NEBL: variants seen among roughly 807,000 people sequenced by gnomAD.
NEBL encodes the protein nebulette.
A neutral mutation model predicts 140.2 loss-of-function variants in NEBL; 122 were observed. The ratio of observed to expected loss-of-function variants is 0.87; its 90% CI spans 0.75 to 1.01. The LOEUF (loss-of-function observed/expected upper bound fraction) is 1.01, where lower values mean the gene tolerates loss of function less well. Among genes scored for constraint, NEBL ranks in the 50% least tolerant of loss-of-function variants. NEBL has a pLI of 0.00. For synonymous variants in NEBL, 436 were observed against 398.9 expected (o/e 1.09, Z -1.11); for missense variants, 1,365 against 1,231.3 (o/e 1.11, Z -1.62).
At chr10:21,048,829 C>G (rs1052278989) in intron 2 of NEBL, among the ~76,000 whole-genome samples, 4 of 152,064 alleles carry the variant, frequency 2.6e-5, no homozygotes, top group African/African-American at 9.7e-5. Context: ...AACCCTGTCT[C>G]TACTAAAAAT....
intron 2 of NEBL, among the ~76,000 whole-genome samples, chr10:21,021,955 C>T (rs1838815259): frequency 6.6e-6 from 1 of 152,160 alleles, no homozygotes; most frequent in Non-Finnish European, 1.5e-5. Flanking sequence ...CAAACTTCAG[C>T]GTGTCCTATA....
intron 2 of NEBL, among the ~76,000 whole-genome samples, chr10:21,028,274 A>G (rs188358702): frequency 6.6e-6 from 1 of 150,868 alleles, no homozygotes; most frequent in African/African-American, 2.4e-5. Flanking sequence ...AAGAAGAAGA[A>G]GAATGAGAAA....
At chr10:21,243,753 C>T (rs1379293048) in intron 3 of NEBL, among the ~76,000 whole-genome samples, 2 of 152,290 alleles carry the variant, frequency 1.3e-5, no homozygotes, top group Non-Finnish European at 1.5e-5. Context: ...GCTTCCTTTC[C>T]GCATTCTCCC....
chr10:20,887,250 G>A (rs1846607687), intron 4 of NEBL, among the ~76,000 whole-genome samples: 2 of 152,070 alleles, frequency 1.3e-5, no homozygotes, highest in African/African-American at 4.8e-5. Flanking sequence ...CAATTCTTAA[G>A]TTCCTCTGCA....
rs891423166 is a variant in NEBL at position 21,173,365 on chromosome 10, G to A, written c.69+400C>T. Among the ~76,000 whole-genome samples the A allele has an allele frequency of 6.9e-6, 1 of 145,454 alleles. No individual in the cohort carries two copies. Among genetic ancestry groups the A allele is most frequent in the African/African-American group, 2.5e-5 (1 of 40,334 alleles). ...AGGCGCTGCGGGTGGGCGGTGAGGT[G>A]GGATCGCGGGCGGATCTGTGGGGCG... On this transcript the variant is annotated intron_variant, in intron 1 of 6. Coordinates refer to the NEBL transcript ENST00000417816. The surrounding 1 kb of genome is among the most constrained non-coding windows in gnomAD (Gnocchi z 5.7).
chr10:21,107,580 T>C (rs1423162978), intron 2 of NEBL, among the ~76,000 whole-genome samples: 14 of 152,230 alleles, frequency 9.2e-5, no homozygotes, highest in Admixed American at 8.5e-4. Flanking sequence ...CAGTATTTTA[T>C]TGAGGATTTT....
intron 3 of NEBL, among the ~76,000 whole-genome samples, chr10:21,210,487 A>C (rs1841898041): frequency 6.6e-6 from 1 of 152,272 alleles, no homozygotes; most frequent in African/African-American, 2.4e-5. Context: ...TTATCTCATT[A>C]TACAAATATG....
chr10:20,974,899 T>G (rs1479597464), intron 3 of NEBL, among the ~76,000 whole-genome samples: 1 of 152,224 alleles, frequency 6.6e-6, no homozygotes, highest in Non-Finnish European at 1.5e-5. Flanking sequence ...CCAAACTTTG[T>G]TAACATTATA....
chr10:20,958,388 C>A (rs1374854694), intron 4 of NEBL, among the ~76,000 whole-genome samples: 1 of 152,128 alleles, frequency 6.6e-6, no homozygotes, highest in Non-Finnish European at 1.5e-5. Flanking sequence ...GGCTTTCTGG[C>A]CCACAGTTCC....
chr10:21,002,523 G>A (rs143072630), intron 3 of NEBL, among the ~76,000 whole-genome samples: 269 of 152,188 alleles, frequency 1.8e-3, no homozygotes, highest in Middle Eastern at 6.8e-3. Flanking sequence ...CCATTCTCAC[G>A]CTGCTATAAA....
At chr10:21,192,573 T>G (rs188499733) in intron 3 of NEBL, among the ~76,000 whole-genome samples, 2 of 149,522 alleles carry the variant, frequency 1.3e-5, no homozygotes, top group African/African-American at 4.9e-5. Context: ...GGCCAGGCGT[T>G]GTGGCTCACA....
chr10:20,876,189 G>A (rs1845479427), intron 5 of NEBL, among the ~76,000 whole-genome samples: 2 of 152,300 alleles, frequency 1.3e-5, no homozygotes, highest in South Asian at 4.2e-4. Flanking sequence ...AAAGTTTTCA[G>A]TCTTCCAAAA....
intron 2 of NEBL, among the ~76,000 whole-genome samples, chr10:21,075,717 C>A (rs985063765): frequency 1.3e-5 from 2 of 152,178 alleles, no homozygotes; most frequent in African/African-American, 4.8e-5. Context: ...CAAGCTAGGG[C>A]ATCAACCATT....
intron 3 of NEBL, among the ~76,000 whole-genome samples, chr10:20,970,168 T>G (rs1005105956): frequency 1.1e-4 from 17 of 152,132 alleles, no homozygotes; most frequent in African/African-American, 4.1e-4. Context: ...TTTACATTAT[T>G]GTGTGAGCAG....
intron 19 of NEBL, among the ~76,000 whole-genome samples, chr10:20,822,255 G>A (rs1263991983): frequency 1.3e-5 from 2 of 151,800 alleles, no homozygotes; most frequent in African/African-American, 4.8e-5. Flanking sequence ...AATCCCCCAA[G>A]AACAAGAACA....
chr10:20,980,510 T>A (rs772213618), intron 3 of NEBL, among the ~76,000 whole-genome samples: 1 of 152,150 alleles, frequency 6.6e-6, no homozygotes, highest in Non-Finnish European at 1.5e-5. Flanking sequence ...AATCGTTGGT[T>A]AAGGTCATGT....
chr10:21,219,216 G>T (rs559444991), intron 3 of NEBL, among the ~76,000 whole-genome samples: 1 of 152,298 alleles, frequency 6.6e-6, no homozygotes, highest in East Asian at 1.9e-4. Context: ...TAGGAATAAA[G>T]TGAGAAAAGG....
intron 22 of NEBL, among the ~76,000 whole-genome samples, chr10:20,815,046 C>A (rs1295645266): frequency 6.6e-6 from 1 of 152,164 alleles, no homozygotes; most frequent in Non-Finnish European, 1.5e-5. Flanking sequence ...GATATGGATA[C>A]CACTTACTGT....
chr10:21,267,281 T>G (rs1842808307), intron 1 of NEBL, among the ~76,000 whole-genome samples: 1 of 152,034 alleles, frequency 6.6e-6, no homozygotes, highest in South Asian at 2.1e-4. Context: ...TGGCCTCTAA[T>G]TTTTGTTTTT....
Sources: allele counts gnomAD v4.1 joint callset (sites outside exome capture counted in the v4.1 genomes callset), GRCh38; gene constraint gnomAD v4.1.1; non-coding constraint Gnocchi (gnomAD v3.1); transcripts MANE v1.5; gene names NCBI Gene and HGNC (gene_info 2026-07-23, HGNC 2026-07-21).